The following FRMD6 variants were observed in gnomAD, a reference collection of about 807,000 sequenced individuals.
FRMD6 encodes the protein FERM domain-containing protein 6.
A neutral mutation model predicts 73.2 loss-of-function variants in FRMD6; 37 were observed. The ratio of observed to expected loss-of-function variants is 0.51; its 90% confidence interval spans 0.39 to 0.66. FRMD6 has a LOEUF of 0.66. Among genes scored for constraint, FRMD6 ranks in the 30% least tolerant of loss-of-function variants. The pLI is 0.00. For synonymous variants in FRMD6, 273 were observed against 282.2 expected (o/e 0.97, Z 0.33); for missense variants, 714 against 780.5 (o/e 0.91, Z 1.02).
In FRMD6 at chr14:51,728,248, G is replaced by T. The variant is rs1898093910; in HGVS notation, c.*219G>T. 3.8e-6 allele frequency: 2 copies of T among 520,256 alleles called. No homozygotes were observed. The highest frequency in any genetic ancestry group is 3.8e-5 in the African/African-American group (2 of 52,974). The allele number at this position is 520,256 out of a possible 1,614,324, so 32.2% of individuals were successfully genotyped here. A position where few individuals can be genotyped will look rare whatever the true frequency, so the allele number is the denominator to read the frequency against. On this transcript the variant is annotated 3_prime_UTR_variant, in exon 14 of 14. Coordinates refer to ENST00000344768, the MANE Select transcript of FRMD6 (RefSeq NM_001267046.2). Reference sequence around the variant, plus strand: ...ACAGAAAATGTACAGCAAGACAAGTGCCCGGAAGTTCACTGATCCTTCAGA... The same window carrying T: ...ACAGAAAATGTACAGCAAGACAAGTTCCCGGAAGTTCACTGATCCTTCAGA...
the FRMD6 span, among the ~76,000 whole-genome samples, chr14:51,469,776 G>T: frequency 6.6e-6 from 1 of 152,002 alleles, no homozygotes; most frequent in Non-Finnish European, 1.5e-5. Context: ...TATTAGGGTT[G>T]TAAAATTGGT....
intron 2 of FRMD6, among the ~76,000 whole-genome samples, chr14:51,579,878 A>G (rs1300879701): frequency 1.3e-5 from 2 of 152,138 alleles, no homozygotes; most frequent in African/African-American, 4.8e-5. Flanking sequence ...TAAAAGCAAC[A>G]ATAAAACTGT....
chr14:51,423,830 C>T, the FRMD6 span, among the ~76,000 whole-genome samples: 1 of 152,162 alleles, frequency 6.6e-6, no homozygotes. Flanking sequence ...TAATAAGGTT[C>T]CTTACATCTG....
chr14:51,653,045 G>T (rs1203829720), intron 1 of FRMD6, among the ~76,000 whole-genome samples: 1 of 151,896 alleles, frequency 6.6e-6, no homozygotes, highest in African/African-American at 2.4e-5. Flanking sequence ...ATTTTTTTAC[G>T]CAAAATCTGT....
intron 1 of FRMD6, among the ~76,000 whole-genome samples, chr14:51,667,472 A>G (rs1166458589): frequency 6.6e-6 from 1 of 152,238 alleles, no homozygotes; most frequent in East Asian, 1.9e-4. Context: ...TTTTATCGCA[A>G]CAATCAGAAA....
At chr14:51,656,200 G>A (rs1286765699) in intron 1 of FRMD6, among the ~76,000 whole-genome samples, 16 of 152,198 alleles carry the variant, frequency 1.1e-4, no homozygotes, top group Non-Finnish European at 5.9e-5. Flanking sequence ...GAACAGAGCA[G>A]TCATGCAGTA....
At chr14:51,507,488 C>A (rs1046586068) in intron 1 of FRMD6, among the ~76,000 whole-genome samples, 1 of 152,160 alleles carries the variant, frequency 6.6e-6, no homozygotes, top group Non-Finnish European at 1.5e-5. Flanking sequence ...TAGGTAGAGA[C>A]CCTGAATAAT....
At chr14:51,653,004 T>C (rs1044921690) in intron 1 of FRMD6, among the ~76,000 whole-genome samples, 1 of 152,252 alleles carries the variant, frequency 6.6e-6, no homozygotes, top group Non-Finnish European at 1.5e-5. Context: ...AAATATTAGC[T>C]CGTTTTCCCC....
At chr14:51,515,559 G>T (rs1239970538) in intron 1 of FRMD6, among the ~76,000 whole-genome samples, 1 of 152,212 alleles carries the variant, frequency 6.6e-6, no homozygotes, top group Admixed American at 6.5e-5. Flanking sequence ...GAAACTCCAT[G>T]TCACCTGGGC....
the FRMD6 span, among the ~76,000 whole-genome samples, chr14:51,471,600 G>A: frequency 2.6e-5 from 4 of 152,050 alleles, no homozygotes; most frequent in Admixed American, 2.6e-4. Context: ...GGCATTCTTG[G>A]AAAATGAAGA....
intron 2 of FRMD6, among the ~76,000 whole-genome samples, chr14:51,603,966 A>G (rs1213597977): frequency 6.7e-6 from 1 of 149,554 alleles, no homozygotes; most frequent in Non-Finnish European, 1.5e-5. Flanking sequence ...AAAAGTCCCT[A>G]AGATGAAATA....
the FRMD6 span, among the ~76,000 whole-genome samples, chr14:51,433,376 A>G: frequency 1.3e-5 from 2 of 152,178 alleles, no homozygotes; most frequent in Non-Finnish European, 1.5e-5. Context: ...AATGAGGAAA[A>G]TCTCTCTGAA....
chr14:51,678,068 G>A (rs1444631383), intron 1 of FRMD6, among the ~76,000 whole-genome samples: 1 of 152,074 alleles, frequency 6.6e-6, no homozygotes, highest in African/African-American at 2.4e-5. Context: ...TAGTCCTGTT[G>A]TTTACTAATA....
intron 2 of FRMD6, among the ~76,000 whole-genome samples, chr14:51,574,679 T>C (rs1888311639): frequency 6.6e-6 from 1 of 151,882 alleles, no homozygotes; most frequent in Admixed American, 6.6e-5. Context: ...GGAAGGGTAG[T>C]GGGTGGGGTG....
intron 1 of FRMD6, among the ~76,000 whole-genome samples, chr14:51,499,713 C>A (rs1285826127): frequency 6.6e-6 from 1 of 152,206 alleles, no homozygotes; most frequent in African/African-American, 2.4e-5. Context: ...GAAATCAGAG[C>A]AACAGTCTGA....
At chr14:51,723,811 T>C (rs1897781285) in intron 12 of FRMD6, among the ~76,000 whole-genome samples, 2 of 151,580 alleles carry the variant, frequency 1.3e-5, no homozygotes, top group Admixed American at 1.3e-4. Flanking sequence ...GGTTAAATTA[T>C]ACCTTATTCA....
chr14:51,449,878 A>G, the FRMD6 span, among the ~76,000 whole-genome samples: 1 of 152,146 alleles, frequency 6.6e-6, no homozygotes, highest in Non-Finnish European at 1.5e-5. Context: ...TCATACTCTG[A>G]TTTCCTCTGC....
chr14:51,505,353 T>C (rs766383440), intron 1 of FRMD6, among the ~76,000 whole-genome samples: 6 of 152,198 alleles, frequency 3.9e-5, no homozygotes, highest in Non-Finnish European at 5.9e-5. Flanking sequence ...TTAGAAATGT[T>C]TATTATTTAT....
At chr14:51,700,495 T>C (rs1186748623) in intron 3 of FRMD6, among the ~76,000 whole-genome samples, 1 of 152,056 alleles carries the variant, frequency 6.6e-6, no homozygotes, top group African/African-American at 2.4e-5. Context: ...AGTAAGGGTT[T>C]ATCATTTTGT....
Sources: gnomAD v4.1 joint callset for allele counts (sites outside exome capture counted in the v4.1 genomes callset) on GRCh38, gnomAD v4.1.1 for gene constraint, MANE v1.5 for transcripts, NCBI Gene and HGNC (gene_info 2026-07-23, HGNC 2026-07-21) for gene names.